The following KIF6 variants were observed in gnomAD, a reference collection of about 807,000 sequenced individuals.
KIF6 encodes kinesin-like protein KIF6.
KIF6 carries 106 observed loss-of-function variants against 112.7 expected under a neutral mutation model. The observed-to-expected ratio is 0.94, with a 90% CI of 0.80 to 1.11. KIF6 has a LOEUF of 1.11. Among genes scored for constraint, KIF6 ranks in the 50% least tolerant of loss-of-function variants. The pLI is 0.00. For missense variants in KIF6, 929 were observed against 964.0 expected (o/e 0.96, Z 0.48); for synonymous variants, 339 against 339.9 (o/e 1.00, Z 0.03).
intron 6 of KIF6, among the ~76,000 whole-genome samples, chr6:39,599,733 A>G (rs999684703): frequency 2.0e-5 from 3 of 152,180 alleles, no homozygotes; most frequent in Non-Finnish European, 2.9e-5. Flanking sequence ...ACTGTAACAA[A>G]AGTCAAACTG....
chr6:39,548,264 G>A (rs1008584237), intron 10 of KIF6, among the ~76,000 whole-genome samples: 10 of 152,356 alleles, frequency 6.6e-5, no homozygotes, highest in African/African-American at 2.4e-4. Context: ...ATACAAGCCT[G>A]CTGATGAGCT....
At chr6:39,526,760 C>T (rs1179956530) in intron 13 of KIF6, among the ~76,000 whole-genome samples, 1 of 151,412 alleles carries the variant, frequency 6.6e-6, no homozygotes, top group African/African-American at 2.4e-5. Flanking sequence ...TGCAAAAGTG[C>T]GATTGACCAC....
intron 15 of KIF6, among the ~76,000 whole-genome samples, chr6:39,416,466 G>C (rs1031195403): frequency 6.6e-6 from 1 of 152,188 alleles, no homozygotes; most frequent in Non-Finnish European, 1.5e-5. Context: ...CTCTCCGACA[G>C]AAACACAGAC....
intron 3 of KIF6, 97 bp from the exon 4 acceptor site, chr6:39,639,854 T>TA (rs545629549): frequency 4.8e-6 from 5 of 1,042,364 alleles, no homozygotes; most frequent in South Asian, 1.8e-5. Flanking sequence ...TAAACACTAT[T>TA]AAAAAAACTT....
At chr6:39,438,743 A>G (rs1299107669) in intron 13 of KIF6, among the ~76,000 whole-genome samples, 1 of 152,170 alleles carries the variant, frequency 6.6e-6, no homozygotes, top group East Asian at 1.9e-4. Flanking sequence ...GCTTAAGTGT[A>G]CAGTGTTTAT....
At chr6:39,337,541 G>A (rs1562103407) in intron 22 of KIF6, among the ~76,000 whole-genome samples, 1 of 152,028 alleles carries the variant, frequency 6.6e-6, no homozygotes, top group Non-Finnish European at 1.5e-5. Flanking sequence ...TCAAATTCCT[G>A]AGCTTAAGTG....
chr6:39,405,874 C>G (rs766828475), intron 15 of KIF6, among the ~76,000 whole-genome samples: 4 of 152,132 alleles, frequency 2.6e-5, no homozygotes, highest in Non-Finnish European at 5.9e-5. Context: ...TGGTATGAAA[C>G]CATTCAGGTT....
intron 3 of KIF6, among the ~76,000 whole-genome samples, chr6:39,656,610 G>A (rs572527136): frequency 6.6e-6 from 1 of 152,234 alleles, no homozygotes; most frequent in Admixed American, 6.5e-5. Flanking sequence ...CCTGTCTACA[G>A]TACCCAAAAG....
In KIF6 at chr6:39,385,673, C is replaced by T; in HGVS notation, c.1811-1G>A. The T allele has an allele frequency of 6.2e-7, 1 of 1,612,230 alleles. No homozygotes were observed. On this transcript the variant is annotated splice_acceptor_variant, in intron 15 of 22. Coordinates refer to ENST00000287152, the MANE Select transcript of KIF6 (RefSeq NM_145027.6). LOFTEE classifies it high-confidence loss of function. ...TGGGTGATTTCTTCCTTCAGGTGAC[C>T]TGCCAAAGACACAAAAGAAAACTAC...
chr6:39,555,218 T>C (rs1275253596), intron 10 of KIF6, among the ~76,000 whole-genome samples: 1 of 152,146 alleles, frequency 6.6e-6, no homozygotes, highest in African/African-American at 2.4e-5. Context: ...CATGTCCTCC[T>C]GGAGCCCTCC....
chr6:39,384,454 G>A (rs1233150086), intron 16 of KIF6, among the ~76,000 whole-genome samples: 7 of 152,166 alleles, frequency 4.6e-5, no homozygotes, highest in East Asian at 1.9e-4. Context: ...AGTCTCTGGC[G>A]CTGGGAGGGC....
intron 3 of KIF6, among the ~76,000 whole-genome samples, chr6:39,680,102 G>A (rs955875627): frequency 6.6e-5 from 10 of 152,000 alleles, no homozygotes; most frequent in East Asian, 3.9e-4. Flanking sequence ...TCCACTTCCC[G>A]GGTTGAGCAA....
At chr6:39,705,261 T>C (rs1358883759) in intron 3 of KIF6, among the ~76,000 whole-genome samples, 2 of 152,180 alleles carry the variant, frequency 1.3e-5, no homozygotes, top group African/African-American at 4.8e-5. Context: ...CCTGAGAATG[T>C]GCATTTCTAA....
chr6:39,723,714 G>T (rs1790362636), intron 1 of KIF6, among the ~76,000 whole-genome samples: 1 of 152,096 alleles, frequency 6.6e-6, no homozygotes, highest in East Asian at 1.9e-4. Flanking sequence ...TGCACACAGG[G>T]AGGGGAACAT....
intron 3 of KIF6, among the ~76,000 whole-genome samples, chr6:39,685,247 T>C (rs1036707652): frequency 3.9e-5 from 6 of 152,228 alleles, no homozygotes; most frequent in East Asian, 1.9e-4. Context: ...ATACTTGAGA[T>C]GGCAAGACAA....
At position 39,571,084 on chromosome 6, in the gene KIF6, G is replaced by A. The variant is rs550602233; in HGVS notation, c.1181+6972C>T. ...CAGAATTCAATCTGTGTATTTCTTC[G>A]TCATACACAAAAACTGAGCCTTTCT... is the stretch of plus-strand genomic sequence containing the variant. On this transcript the variant is annotated intron_variant, in intron 10 of 22. Transcript: ENST00000287152. 1.2e-4 allele frequency among the ~76,000 whole-genome samples: 18 copies of A among 152,076 alleles called. No homozygotes were observed. The South Asian group carries it at 1.2e-3, about 11-fold the overall frequency.
intron 22 of KIF6, among the ~76,000 whole-genome samples, chr6:39,340,136 T>C (rs1252155260): frequency 6.6e-6 from 1 of 152,208 alleles, no homozygotes; most frequent in Admixed American, 6.5e-5. Flanking sequence ...TGCTGGCCCT[T>C]TGGGACCTGG....
At chr6:39,411,779 T>G (rs1769491211) in intron 15 of KIF6, among the ~76,000 whole-genome samples, 1 of 152,220 alleles carries the variant, frequency 6.6e-6, no homozygotes, top group East Asian at 1.9e-4. Context: ...CTCCAAACTC[T>G]TTACTTCTCT....
At chr6:39,566,352 T>C (rs1200870830) in intron 10 of KIF6, among the ~76,000 whole-genome samples, 2 of 152,254 alleles carry the variant, frequency 1.3e-5, no homozygotes, top group Non-Finnish European at 2.9e-5. Context: ...GCATCAGCTC[T>C]TTTTATGATT....
Sources: gnomAD v4.1 joint callset for allele counts (sites outside exome capture counted in the v4.1 genomes callset) on GRCh38, gnomAD v4.1.1 for gene constraint, MANE v1.5 for transcripts, NCBI Gene and HGNC (gene_info 2026-07-23, HGNC 2026-07-21) for gene names.